ADAMTSL1: variants seen among roughly 807,000 people sequenced by gnomAD.
ADAMTSL1 encodes the protein ADAMTS like 1.
In ADAMTSL1, 126 loss-of-function variants were observed where a neutral mutation model predicts 201.8. That is an observed-to-expected ratio of 0.62 (90% CI 0.54 to 0.72). ADAMTSL1 has a LOEUF of 0.72. Ranked by LOEUF, ADAMTSL1 falls within the 30% of genes least tolerant of loss-of-function variation. ADAMTSL1 has a pLI of 0.00. For synonymous variants in ADAMTSL1, 1,121 were observed against 903.4 expected, an observed-to-expected ratio of 1.24 and a Z score of -4.32; for missense variants, 2,679 against 2,277.8, an observed-to-expected ratio of 1.18 and a Z score of -3.59.
intron 2 of ADAMTSL1, among the ~76,000 whole-genome samples, chr9:18,399,401 A>ATGAT (rs202216519): frequency 0.022 from 3,311 of 148,216 alleles, 140 homozygotes; most frequent in African/African-American, 0.079. Context: ...GTGCAGTAGC[A>ATGAT]TGATCTCGGC....
At chr9:18,193,957 T>C (rs933787510) in intron 2 of ADAMTSL1, among the ~76,000 whole-genome samples, 1 of 152,318 alleles carries the variant, frequency 6.6e-6, no homozygotes, top group Admixed American at 6.5e-5. Context: ...ACTAATTTAG[T>C]GCTATTTAGT....
intron 23 of ADAMTSL1, among the ~76,000 whole-genome samples, chr9:18,850,530 C>G (rs1199926866): frequency 1.3e-5 from 2 of 152,202 alleles, no homozygotes; most frequent in African/African-American, 4.8e-5. Context: ...GCAGACCCTA[C>G]TGCCTTGGTT....
At chr9:18,401,844 T>C (rs551404110) in intron 2 of ADAMTSL1, among the ~76,000 whole-genome samples, 188 of 152,304 alleles carry the variant, frequency 1.2e-3, no homozygotes, top group African/African-American at 4.4e-3. Context: ...TTCCCCTTAA[T>C]GGAAGCTGTG....
At chr9:18,634,250 T>C (rs994654445) in intron 5 of ADAMTSL1, among the ~76,000 whole-genome samples, 2 of 152,112 alleles carry the variant, frequency 1.3e-5, no homozygotes, top group Admixed American at 1.3e-4. Flanking sequence ...AGGATAATTA[T>C]GTACACTGTT....
At chr9:18,308,641 A>G (rs1834000162) in intron 2 of ADAMTSL1, among the ~76,000 whole-genome samples, 1 of 152,182 alleles carries the variant, frequency 6.6e-6, no homozygotes, top group African/African-American at 2.4e-5. Context: ...ACCAGGAAGA[A>G]GTCGAATCCC....
Position 18,681,800 on chromosome 9 carries a change from A to T in ADAMTSL1, c.1342-12A>T. 1 of 1,596,378 alleles carries T rather than the reference A, an allele frequency of 6.3e-7. No individual in the cohort carries two copies. Among genetic ancestry groups the T allele is most frequent in the Non-Finnish European group, 8.5e-7 (1 of 1,170,598 alleles). On this transcript the variant is annotated splice_polypyrimidine_tract_variant and intron_variant, in intron 11 of 28. Transcript: ENST00000380548. ...GCCTACGAGTCTCCTCTCTCTTGCA[A>T]TCTCTTTCCAGTGCACAGTGACATG...
At chr9:18,374,092 G>A (rs1837177062) in intron 2 of ADAMTSL1, among the ~76,000 whole-genome samples, 1 of 152,080 alleles carries the variant, frequency 6.6e-6, no homozygotes. Flanking sequence ...GACTTAATTG[G>A]ACTTGTGTAT....
chr9:17,957,123 G>T (rs902730801), intron 1 of ADAMTSL1, among the ~76,000 whole-genome samples: 2 of 152,124 alleles, frequency 1.3e-5, no homozygotes, highest in Non-Finnish European at 2.9e-5. Flanking sequence ...ACTGATATTA[G>T]AAAGATTAAT....
At chr9:17,935,258 C>T (rs542643485) in intron 1 of ADAMTSL1, among the ~76,000 whole-genome samples, 1 of 152,240 alleles carries the variant, frequency 6.6e-6, no homozygotes, top group East Asian at 1.9e-4. Flanking sequence ...CCACACCCTC[C>T]TTTCCTCCTG....
intron 2 of ADAMTSL1, among the ~76,000 whole-genome samples, chr9:18,460,454 T>C (rs1820767786): frequency 2.0e-5 from 3 of 152,112 alleles, no homozygotes; most frequent in Admixed American, 2.0e-4. Context: ...TAAAAGTAGA[T>C]CCAGGTTTTA....
chr9:18,285,061 C>T (rs1194002973), intron 2 of ADAMTSL1, among the ~76,000 whole-genome samples: 1 of 152,070 alleles, frequency 6.6e-6, no homozygotes, highest in Non-Finnish European at 1.5e-5. Flanking sequence ...TAAATCCCTA[C>T]AATGAATGGT....
intron 14 of ADAMTSL1, 30 bp from the exon 15 acceptor site, chr9:18,721,506 C>T (rs757262726): frequency 3.6e-5 from 58 of 1,611,428 alleles, no homozygotes; most frequent in Non-Finnish European, 4.5e-5. Context: ...CCACTTTGCA[C>T]TCTGGCCTGA....
chr9:18,709,979 G>A (rs371175744), intron 14 of ADAMTSL1, among the ~76,000 whole-genome samples: 13 of 152,226 alleles, frequency 8.5e-5, no homozygotes, highest in South Asian at 6.2e-4. Flanking sequence ...GTTCTCTGTC[G>A]GTTTACAGTG....
intron 2 of ADAMTSL1, among the ~76,000 whole-genome samples, chr9:18,333,199 G>A (rs1835101650): frequency 6.6e-6 from 1 of 152,090 alleles, no homozygotes; most frequent in Admixed American, 6.5e-5. Context: ...GTTTGGCTGT[G>A]TCCCCACCTA....
At chr9:18,341,587 C>T (rs538403528) in intron 2 of ADAMTSL1, among the ~76,000 whole-genome samples, 1 of 152,256 alleles carries the variant, frequency 6.6e-6, no homozygotes, top group African/African-American at 2.4e-5. Context: ...ATTATAATTG[C>T]TGGCACTGTG....
chr9:18,190,787 G>T (rs1828938901), intron 2 of ADAMTSL1, among the ~76,000 whole-genome samples: 2 of 152,142 alleles, frequency 1.3e-5, no homozygotes, highest in South Asian at 4.1e-4. Flanking sequence ...CAAACTGCTG[G>T]TTCTTCCCAT....
chr9:18,618,421 C>T (rs1021555392), intron 4 of ADAMTSL1, among the ~76,000 whole-genome samples: 6 of 151,306 alleles, frequency 4.0e-5, no homozygotes, highest in East Asian at 1.9e-4. Context: ...GCAGAAATAT[C>T]AAGATTAGTA....
intron 2 of ADAMTSL1, among the ~76,000 whole-genome samples, chr9:18,247,034 TG>T (rs557093746): frequency 2.6e-5 from 4 of 152,290 alleles, no homozygotes; most frequent in African/African-American, 9.6e-5. Flanking sequence ...GTTATGCATG[TG>T]TTTTTTTGGG....
chr9:17,944,047 C>G (rs1588455161), intron 1 of ADAMTSL1, among the ~76,000 whole-genome samples: 1 of 151,608 alleles, frequency 6.6e-6, no homozygotes, highest in African/African-American at 2.4e-5. Context: ...CCCTATGATT[C>G]AAACACCTCC....
Sources: allele counts gnomAD v4.1 joint callset (sites outside exome capture counted in the v4.1 genomes callset), GRCh38; gene constraint gnomAD v4.1.1; transcripts MANE v1.5; gene names NCBI Gene and HGNC (gene_info 2026-07-23, HGNC 2026-07-21).